Variants in C7orf78 observed in about 807,000 individuals in gnomAD.
The protein encoded by C7orf78 is putative uncharacterized protein C7orf78.
chr7:12,511,286 G>T, the C7orf78 span, among the ~76,000 whole-genome samples: 2 of 152,116 alleles, frequency 1.3e-5, no homozygotes, highest in African/African-American at 4.8e-5. Flanking sequence ...GATTACTCTA[G>T]ATTTGTAATA....
the C7orf78 span, among the ~76,000 whole-genome samples, chr7:12,511,903 C>T: frequency 2.8e-4 from 42 of 150,078 alleles, no homozygotes; most frequent in African/African-American, 8.1e-4. Flanking sequence ...AGGCGCCCAC[C>T]ACCACACCTG....
the C7orf78 span, among the ~76,000 whole-genome samples, chr7:12,500,457 C>T: frequency 4.2e-4 from 63 of 150,178 alleles, 1 homozygote; most frequent in Admixed American, 1.9e-3. Context: ...AACACCTCTA[C>T]GCAAATAAAC....
the C7orf78 span, chr7:12,523,081 C>T: frequency 2.5e-6 from 1 of 398,178 alleles, no homozygotes; most frequent in Non-Finnish European, 4.4e-6. Context: ...AGGATCTCAA[C>T]TCCAAATGGA....
At chr7:12,535,567 C>T in the C7orf78 span, among the ~76,000 whole-genome samples, 3 of 152,140 alleles carry the variant, frequency 2.0e-5, no homozygotes, top group Admixed American at 6.5e-5. Context: ...CTCATGTCCT[C>T]ACATTTCAAA....
chr7:12,525,343 C>G, the C7orf78 span, among the ~76,000 whole-genome samples: 4 of 152,102 alleles, frequency 2.6e-5, no homozygotes, highest in Non-Finnish European at 5.9e-5. Context: ...AACAGTAACT[C>G]TCTTCCAGGC....
At chr7:12,492,623 C>T in the C7orf78 span, among the ~76,000 whole-genome samples, 3 of 152,176 alleles carry the variant, frequency 2.0e-5, no homozygotes, top group Non-Finnish European at 4.4e-5. Context: ...CTCAGGAGTA[C>T]TAAACTCACT....
At chr7:12,513,523 A>C in the C7orf78 span, among the ~76,000 whole-genome samples, 1 of 152,018 alleles carries the variant, frequency 6.6e-6, no homozygotes, top group Non-Finnish European at 1.5e-5. Flanking sequence ...TGTTCAGTAG[A>C]ATTTTGTTTA....
At chr7:12,509,025 G>A in the C7orf78 span, among the ~76,000 whole-genome samples, 5 of 152,188 alleles carry the variant, frequency 3.3e-5, no homozygotes, top group African/African-American at 7.2e-5. Context: ...TAAGTGTAAT[G>A]CATTTGAATC....
the C7orf78 span, among the ~76,000 whole-genome samples, chr7:12,488,987 T>C: frequency 6.6e-6 from 1 of 151,658 alleles, no homozygotes; most frequent in Admixed American, 6.6e-5. Context: ...TTGCCCTAGT[T>C]TGCCCTGGAA....
At chr7:12,517,132 G>A in the C7orf78 span, among the ~76,000 whole-genome samples, 2 of 152,096 alleles carry the variant, frequency 1.3e-5, no homozygotes, top group African/African-American at 4.8e-5. Context: ...ATGTGTTATG[G>A]GAGGGACTCG....
At chr7:12,491,362 T>C in the C7orf78 span, 1 of 152,180 alleles carries the variant, frequency 6.6e-6, no homozygotes, top group East Asian at 1.9e-4. Context: ...GATGTTCCTT[T>C]GGATGTTTTT....
At chr7:12,496,970 G>A in the C7orf78 span, among the ~76,000 whole-genome samples, 8 of 152,196 alleles carry the variant, frequency 5.3e-5, no homozygotes, top group African/African-American at 1.9e-4. Context: ...TTATAAACTA[G>A]GACAAAATTA....
the C7orf78 span, chr7:12,491,275 A>G: frequency 6.6e-6 from 1 of 152,186 alleles, no homozygotes; most frequent in African/African-American, 2.4e-5. Flanking sequence ...TGGTCTGCAG[A>G]TGGTGTTAAT....
At chr7:12,488,928 G>GT in the C7orf78 span, among the ~76,000 whole-genome samples, 26,467 of 133,954 alleles carry the variant, frequency 0.2, 2,720 homozygotes, top group Middle Eastern at 0.29. Flanking sequence ...TTTTTTTTTG[G>GT]TTTTTTGCTT....
the C7orf78 span, among the ~76,000 whole-genome samples, chr7:12,539,944 G>T: frequency 2.6e-5 from 4 of 152,186 alleles, no homozygotes; most frequent in Admixed American, 2.0e-4. Flanking sequence ...TAAGAGGCCT[G>T]AAGGTGCTTT....
the C7orf78 span, among the ~76,000 whole-genome samples, chr7:12,526,738 G>A: frequency 6.6e-6 from 1 of 151,446 alleles, no homozygotes; most frequent in African/African-American, 2.4e-5. Flanking sequence ...ACTCACTTTG[G>A]TAGAAAATGC....
At chr7:12,534,248 A>G in the C7orf78 span, among the ~76,000 whole-genome samples, 8 of 152,180 alleles carry the variant, frequency 5.3e-5, no homozygotes, top group Non-Finnish European at 1.2e-4. Flanking sequence ...AAAGCTATGT[A>G]AGCAAATTTA....
the C7orf78 span, among the ~76,000 whole-genome samples, chr7:12,523,987 G>A: frequency 1.3e-5 from 2 of 152,236 alleles, no homozygotes; most frequent in South Asian, 2.1e-4. Flanking sequence ...AATATATTCT[G>A]TTCTCAGATC....
the C7orf78 span, among the ~76,000 whole-genome samples, chr7:12,527,432 A>G: frequency 3.3e-5 from 3 of 90,830 alleles, no homozygotes; most frequent in Non-Finnish European, 6.1e-5. Flanking sequence ...AGTATATGCT[A>G]TGTGTCACTC....
Sources: allele counts gnomAD v4.1 joint callset (sites outside exome capture counted in the v4.1 genomes callset), GRCh38; gene constraint gnomAD v4.1.1; transcripts MANE v1.5; gene names NCBI Gene and HGNC (gene_info 2026-07-23, HGNC 2026-07-21).